GPM6A: variants seen among roughly 807,000 people sequenced by gnomAD.
The protein encoded by GPM6A is glycoprotein M6A.
A neutral mutation model predicts 32.1 loss-of-function variants in GPM6A; 7 were observed. That is an observed-to-expected ratio of 0.22 (90% confidence interval 0.12 to 0.41). The LOEUF (loss-of-function observed/expected upper bound fraction) is 0.41, where lower values mean the gene tolerates loss of function less well. Ranked by LOEUF, GPM6A falls within the 10% of genes least tolerant of loss-of-function variation. GPM6A has a pLI of 1.00. For synonymous variants in GPM6A, 130 were observed against 123.4 expected, an observed-to-expected ratio of 1.05 and a Z score of -0.35; for missense variants, 235 against 347.2, an observed-to-expected ratio of 0.68 and a Z score of 2.57.
At chr4:175,805,077 T>G (rs1579521731) in intron 1 of GPM6A, among the ~76,000 whole-genome samples, 1 of 150,276 alleles carries the variant, frequency 6.7e-6, no homozygotes, top group Non-Finnish European at 1.5e-5. Context: ...AAAAACAAAA[T>G]GAAAGTGGAT....
intron 1 of GPM6A, among the ~76,000 whole-genome samples, chr4:175,886,055 C>A (rs768295478): frequency 6.6e-6 from 1 of 151,998 alleles, no homozygotes; most frequent in Non-Finnish European, 1.5e-5. Flanking sequence ...ATATAGCTAG[C>A]AGAAGTTCCA....
intron 1 of GPM6A, among the ~76,000 whole-genome samples, chr4:175,845,080 C>A (rs1736048257): frequency 6.6e-6 from 1 of 151,984 alleles, no homozygotes; most frequent in African/African-American, 2.4e-5. Context: ...ATTTTCTTGA[C>A]TTACTGCTTT....
intron 1 of GPM6A, among the ~76,000 whole-genome samples, chr4:175,921,365 T>G (rs1738659056): frequency 6.6e-6 from 1 of 152,180 alleles, no homozygotes; most frequent in Admixed American, 6.5e-5. Flanking sequence ...ACACTCTGTA[T>G]GCACTTTTTC....
rs182389117 is a variant in GPM6A, at chr4:175,744,261, T to C, written c.38-42494A>G. Among the ~76,000 whole-genome samples, 121 of 152,146 alleles carry C rather than the reference T, an allele frequency of 8.0e-4. 1 individual carries two copies. Among genetic ancestry groups the C allele is most frequent in the South Asian group, 1.0e-3 (5 of 4,826 alleles). On this transcript the variant is annotated intron_variant, in intron 1 of 6. Coordinates refer to ENST00000393658, the MANE Select transcript of GPM6A (RefSeq NM_201591.3). ...AAGCAATGTATTTCCAAATCACTTA[T>C]GGGTCAAAAAGAAATCAAAAAGAAA...
chr4:175,930,558 G>C (rs1739003961), intron 1 of GPM6A, among the ~76,000 whole-genome samples: 1 of 151,726 alleles, frequency 6.6e-6, no homozygotes. Context: ...ACTCAACTCT[G>C]AATTTCAGTT....
At chr4:176,000,255 T>A (rs1351983) in intron 1 of GPM6A, among the ~76,000 whole-genome samples, 135,880 of 152,200 alleles carry the variant, frequency 0.89, 61,016 homozygotes, top group Non-Finnish European at 0.94. Flanking sequence ...GGAAAAATGT[T>A]ATCCACTTCT....
At chr4:175,799,720 TGC>T (rs1486010945) in intron 1 of GPM6A, among the ~76,000 whole-genome samples, 1 of 120,644 alleles carries the variant, frequency 8.3e-6, no homozygotes, top group East Asian at 2.7e-4. Context: ...CAGGCCGGAC[TGC>T]GGACTGCAGT....
chr4:175,723,232 G>GAA (rs1221772918), intron 1 of GPM6A, among the ~76,000 whole-genome samples: 1 of 152,144 alleles, frequency 6.6e-6, no homozygotes, highest in Non-Finnish European at 1.5e-5. Context: ...GCAAAATCCA[G>GAA]AACACAAATG....
chr4:175,799,536 A>G (rs576273645), intron 1 of GPM6A, among the ~76,000 whole-genome samples: 1 of 152,166 alleles, frequency 6.6e-6, no homozygotes, highest in South Asian at 2.1e-4. Flanking sequence ...GTGAAAGCAT[A>G]TGAGGCACGG....
intron 1 of GPM6A, among the ~76,000 whole-genome samples, chr4:175,876,113 T>C (rs1391216407): frequency 2.0e-5 from 3 of 152,202 alleles, no homozygotes; most frequent in Non-Finnish European, 4.4e-5. Context: ...TTAATGCAGC[T>C]CAAACCTTCT....
rs139632709 is a variant in GPM6A, at chr4:175,921,651, C to T, written c.-23+80658G>A. Among the ~76,000 whole-genome samples the T allele has an allele frequency of 3.4e-4, 52 of 152,222 alleles. No homozygotes were observed. In the East Asian group the frequency reaches 9.4e-3, roughly 28 times the overall value. On this transcript the variant is annotated intron_variant, in intron 1 of 7. Transcript: ENST00000280187. The stretch of plus-strand genomic sequence containing the variant: ...TTTTGTTTATTCAGTAAATTTAATG[C>T]ATTTTGAAAATCCAGTTTTGTATGC...
chr4:175,907,546 C>T (rs554204879), intron 1 of GPM6A, among the ~76,000 whole-genome samples: 24 of 152,146 alleles, frequency 1.6e-4, no homozygotes, highest in Middle Eastern at 6.8e-3. Context: ...ACATGCTACC[C>T]CCAAATATGA....
chr4:175,925,791 T>G (rs1360870510), intron 1 of GPM6A, among the ~76,000 whole-genome samples: 1 of 152,028 alleles, frequency 6.6e-6, no homozygotes, highest in Non-Finnish European at 1.5e-5. Flanking sequence ...GTTGTCAAAA[T>G]TTACAAATGT....
intron 2 of GPM6A, among the ~76,000 whole-genome samples, chr4:175,684,855 T>G (rs1030329259): frequency 6.6e-6 from 1 of 152,114 alleles, no homozygotes; most frequent in African/African-American, 2.4e-5. Flanking sequence ...ACTATTTGTG[T>G]GTGTGTGTGT....
chr4:175,891,817 A>C (rs1339256759), intron 1 of GPM6A: 2 of 152,242 alleles, frequency 1.3e-5, no homozygotes, highest in African/African-American at 2.4e-5. Context: ...ACTAGTCTGA[A>C]GCTTCAACTC....
intron 1 of GPM6A, among the ~76,000 whole-genome samples, chr4:175,995,376 TAAAAAAA>T (rs10541049): frequency 9.3e-5 from 9 of 96,304 alleles, no homozygotes; most frequent in Non-Finnish European, 1.7e-4. Flanking sequence ...TTTCAATTTG[TAAAAAAA>T]AAAAAAAAAA....
chr4:175,995,909 G>A lies in GPM6A; in HGVS notation c.-23+6400C>T, dbSNP rs79825685. ...TATTCTGGTTATGTCGTTCATACAG[G>A]TCAAGGCTTCATTTCTCATTGGGAT... is the stretch of plus-strand genomic sequence containing the variant. On this transcript the variant is annotated intron_variant, in intron 1 of 7. Coordinates refer to the GPM6A transcript ENST00000280187. Among the ~76,000 whole-genome samples, 929 of 146,708 alleles carry A rather than the reference G, an allele frequency of 6.3e-3. 10 individuals are homozygous for A. Among genetic ancestry groups the A allele is most frequent in the African/African-American group, 0.024 (892 of 37,756 alleles).
At chr4:175,707,737 T>C (rs1745282110) in intron 1 of GPM6A, among the ~76,000 whole-genome samples, 1 of 152,198 alleles carries the variant, frequency 6.6e-6, no homozygotes. Flanking sequence ...CGAAAAGGTA[T>C]CTTTTGTGAT....
chr4:176,001,626 A>G (rs1368028527), intron 1 of GPM6A, among the ~76,000 whole-genome samples: 1 of 152,058 alleles, frequency 6.6e-6, no homozygotes, highest in Non-Finnish European at 1.5e-5. Flanking sequence ...GCCGAACTCC[A>G]CCGTCCAGTG....
Sources: gnomAD v4.1 joint callset for allele counts (sites outside exome capture counted in the v4.1 genomes callset) on GRCh38, gnomAD v4.1.1 for gene constraint, MANE v1.5 for transcripts, NCBI Gene and HGNC (gene_info 2026-07-23, HGNC 2026-07-21) for gene names.